Variants in TANC2 observed in about 807,000 individuals in gnomAD.
TANC2 encodes the protein protein TANC2.
Under a neutral mutation model 210.5 loss-of-function variants are expected in TANC2, and 26 were observed. The ratio of observed to expected loss-of-function variants is 0.12; its 90% CI spans 0.09 to 0.17. The LOEUF (loss-of-function observed/expected upper bound fraction) is 0.17, where lower values mean the gene tolerates loss of function less well. TANC2 is among the 10% of genes least tolerant of loss of function. The probability of loss-of-function intolerance (pLI) is 1.00; values close to 1 mark genes in which losing one functional copy is unlikely to be tolerated. For synonymous variants in TANC2, 931 were observed against 967.1 expected (o/e 0.96, Z 0.69); for missense variants, 2,129 against 2,608.9 (o/e 0.82, Z 4.01).
chr17:63,057,015 C>A (rs1371956179), intron 2 of TANC2, among the ~76,000 whole-genome samples: 1 of 151,614 alleles, frequency 6.6e-6, no homozygotes, highest in African/African-American at 2.4e-5. Context: ...GACAAGGTCT[C>A]ACTGTGCTCA....
At chr17:63,233,415 T>C (rs1264235508) in intron 7 of TANC2, among the ~76,000 whole-genome samples, 1 of 152,148 alleles carries the variant, frequency 6.6e-6, no homozygotes, top group East Asian at 1.9e-4. Context: ...GGATCGTGGA[T>C]TCTTGGGCAG....
intron 7 of TANC2, among the ~76,000 whole-genome samples, chr17:63,208,830 G>A (rs1029065296): frequency 5.9e-5 from 9 of 152,070 alleles, no homozygotes; most frequent in Non-Finnish European, 8.8e-5. Flanking sequence ...ATAGAAATAT[G>A]TAGAGATTTG....
chr17:63,288,920 C>CT (rs1567885301), intron 9 of TANC2, among the ~76,000 whole-genome samples: 1 of 152,114 alleles, frequency 6.6e-6, no homozygotes, highest in Non-Finnish European at 1.5e-5. Context: ...CCAGGAAAGT[C>CT]TTTATTTCTC....
chr17:63,280,783 A>G lies in TANC2; in HGVS notation c.1159+12910A>G, dbSNP rs533906307. On this transcript the variant is annotated intron_variant, in intron 9 of 27. Transcript: ENST00000689528. ...AGGTTGCTCTGCTGAATGCTTCTGG[A>G]ACTTCAGTAGGTCTTTTTTACTTTG... 1.1e-4 allele frequency among the ~76,000 whole-genome samples: 17 copies of G among 152,196 alleles called. No individual in the cohort carries two copies. In the South Asian group the frequency reaches 3.3e-3, roughly 30 times the overall value.
rs188086117 is a variant in TANC2, at chr17:63,114,466, T to C, written c.322+15109T>C. ...ATGATTTTTAAGAATATATTTCTTT[T>C]TCTTCTCTGTCACTCATTACCCTAC... On this transcript the variant is annotated intron_variant, in intron 4 of 27. Coordinates refer to ENST00000689528, the Ensembl canonical transcript of TANC2. Among the ~76,000 whole-genome samples, 187 of 152,336 alleles carry C rather than the reference T, an allele frequency of 1.2e-3. 1 individual carries two copies. Among genetic ancestry groups the C allele is most frequent in the African/African-American group, 4.3e-3 (180 of 41,582 alleles).
chr17:63,420,934 TAGG>T lies in TANC2; in HGVS notation c.5207_5209del (p.Gly1736del). On this transcript the variant is annotated inframe_deletion, in exon 28 of 28. Transcript: ENST00000689528. The surrounding 1 kb of genome is among the most constrained non-coding windows in gnomAD (Gnocchi z 4.2). ...AAATACCAGTCTTCACAAGGAGACA[TAGG>T]AGTCAGCCAGAGCCGGTTGGTTTAT... is the stretch of plus-strand genomic sequence containing the variant. The T allele has an allele frequency of 6.2e-7, 1 of 1,613,886 alleles. No individual in the cohort carries two copies. The highest frequency in any genetic ancestry group is 1.1e-5 in the South Asian group (1 of 91,084).
chr17:63,381,368 A>G (rs1289145683), intron 15 of TANC2: 1 of 152,212 alleles, frequency 6.6e-6, no homozygotes, highest in African/African-American at 2.4e-5. Flanking sequence ...CGTGACTGCA[A>G]GCTGAAGAAT....
chr17:63,034,787 T>G (rs553899710), intron 2 of TANC2, among the ~76,000 whole-genome samples: 1 of 152,182 alleles, frequency 6.6e-6, no homozygotes. Flanking sequence ...AGCCTGAAGA[T>G]GCACTGAATT....
At position 63,421,834 on chromosome 17, in the gene TANC2, G is replaced by A. The variant is rs770815483; in HGVS notation, c.6104G>A (p.Arg2035Gln). 5.6e-6 allele frequency: 9 copies of A among 1,613,868 alleles called. No individual in the cohort carries two copies. The highest frequency in any genetic ancestry group is 3.3e-5 in the Admixed American group (2 of 60,004). ...TCCTATCCCGACGTGAAGGTAGCTC[G>A]GACTCTACCTGTGGCTCAGGCATAC... Residue 2035 changes from arginine (R) to glutamine (Q), a missense_variant, in exon 28 of 28, where the codon CGG becomes CAG. Physicochemically the swap from Arg to Gln is conservative, Grantham distance 43. Transcript: ENST00000689528. This position sits in a 1 kb window ranked among gnomAD's most constrained non-coding sequence, Gnocchi z 6.9.
chr17:63,221,933 C>T (rs1159963739), intron 7 of TANC2, among the ~76,000 whole-genome samples: 1 of 152,186 alleles, frequency 6.6e-6, no homozygotes, highest in African/African-American at 2.4e-5. Context: ...TATGTCTACG[C>T]AAAGACCAGT....
chr17:63,019,514 G>A (rs1019117444), intron 2 of TANC2, among the ~76,000 whole-genome samples: 2 of 151,990 alleles, frequency 1.3e-5, no homozygotes, highest in African/African-American at 4.8e-5. Context: ...TACTGTGCCT[G>A]GCTTTATGTT....
At chr17:63,122,405 A>G (rs1427142206) in intron 4 of TANC2, among the ~76,000 whole-genome samples, 2 of 152,172 alleles carry the variant, frequency 1.3e-5, no homozygotes, top group African/African-American at 2.4e-5. Flanking sequence ...AACTGCACAA[A>G]ATGAAGTATG....
intron 4 of TANC2, among the ~76,000 whole-genome samples, chr17:63,123,295 C>T (rs1019427175): frequency 9.2e-5 from 14 of 152,052 alleles, no homozygotes; most frequent in African/African-American, 2.9e-4. Flanking sequence ...CGGTGGCTCA[C>T]GCCTGTAATC....
Position 63,261,955 on chromosome 17 carries a change from G to A in TANC2, c.1034-5793G>A, listed in dbSNP as rs557533643. 2.0e-5 allele frequency among the ~76,000 whole-genome samples: 3 copies of A among 152,232 alleles called. No homozygotes were observed. The East Asian group carries it at 5.8e-4, about 29-fold the overall frequency. ...GATGATATAACACTATCCATCTCTG[G>A]CTATGTTAATTATTCCTCAAACTCT... On this transcript the variant is annotated intron_variant, in intron 8 of 27. Coordinates refer to ENST00000689528, the Ensembl canonical transcript of TANC2.
intron 14 of TANC2, among the ~76,000 whole-genome samples, chr17:63,364,250 T>C (rs193212091): frequency 2.4e-4 from 37 of 152,386 alleles, no homozygotes; most frequent in African/African-American, 8.2e-4. Flanking sequence ...AAGTTTGTTT[T>C]GTCTCAGCAT....
chr17:62,993,462 G>T (rs1219831336), intron 1 of TANC2, among the ~76,000 whole-genome samples: 1 of 152,178 alleles, frequency 6.6e-6, no homozygotes, highest in African/African-American at 2.4e-5. Context: ...GGACATGGAT[G>T]TCTTTCCATT....
intron 11 of TANC2, among the ~76,000 whole-genome samples, chr17:63,329,008 T>C (rs2045748592): frequency 6.6e-6 from 1 of 152,178 alleles, no homozygotes; most frequent in Non-Finnish European, 1.5e-5. Flanking sequence ...CTCCAACATA[T>C]GACTGGCATT....
intron 7 of TANC2, among the ~76,000 whole-genome samples, chr17:63,215,480 G>A (rs1303200321): frequency 1.3e-5 from 2 of 152,146 alleles, no homozygotes; most frequent in African/African-American, 4.8e-5. Context: ...ACCAGGGAAT[G>A]ACTACGGTTA....
chr17:63,252,261 A>G (rs917144476), intron 8 of TANC2, among the ~76,000 whole-genome samples: 9 of 151,914 alleles, frequency 5.9e-5, no homozygotes, highest in African/African-American at 2.2e-4. Flanking sequence ...ATATGTATAT[A>G]TTTATAGGGT....
Sources: gnomAD v4.1 joint callset for allele counts (sites outside exome capture counted in the v4.1 genomes callset) on GRCh38, gnomAD v4.1.1 for gene constraint, Gnocchi (gnomAD v3.1) non-coding constraint, MANE v1.5 for transcripts, NCBI Gene and HGNC (gene_info 2026-07-23, HGNC 2026-07-21) for gene names.